SELP: variants seen among roughly 807,000 people sequenced by gnomAD.
SELP encodes P-selectin.
A neutral mutation model predicts 104.1 loss-of-function variants in SELP; 92 were observed. The observed-to-expected ratio is 0.88, with a 90% confidence interval of 0.75 to 1.05. The LOEUF is 1.05. Among genes scored for constraint, SELP ranks in the 50% least tolerant of loss-of-function variants. SELP has a pLI of 0.00. For missense variants in SELP, 1,022 were observed against 1,017.3 expected, an observed-to-expected ratio of 1.00 and a Z score of -0.06; for synonymous variants, 397 against 364.5, an observed-to-expected ratio of 1.09 and a Z score of -1.01.
chr1:169,616,477 T>G (rs574132937), intron 3 of SELP, among the ~76,000 whole-genome samples: 1 of 152,204 alleles, frequency 6.6e-6, no homozygotes, highest in Non-Finnish European at 1.5e-5. Flanking sequence ...AAAACCTGAC[T>G]GATGGAGTTG....
chr1:169,589,937 C>T (rs1009621934), intron 16 of SELP, among the ~76,000 whole-genome samples: 1 of 152,220 alleles, frequency 6.6e-6, no homozygotes, highest in African/African-American at 2.4e-5. Flanking sequence ...CATTTCTGTC[C>T]TGGAGGAAAT....
At chr1:169,598,751 T>G (rs1661753272) in intron 10 of SELP, among the ~76,000 whole-genome samples, 1 of 152,190 alleles carries the variant, frequency 6.6e-6, no homozygotes, top group Admixed American at 6.5e-5. Context: ...TGTCAGTTCT[T>G]TGAACACTGT....
At chr1:169,614,480 A>G (rs1662712793) in intron 3 of SELP, among the ~76,000 whole-genome samples, 1 of 152,174 alleles carries the variant, frequency 6.6e-6, no homozygotes, top group South Asian at 2.1e-4. Flanking sequence ...TATGCACTTG[A>G]TGAGAATTAG....
At chr1:169,599,461 C>T (rs1661793241) in intron 10 of SELP, among the ~76,000 whole-genome samples, 1 of 151,972 alleles carries the variant, frequency 6.6e-6, no homozygotes, top group South Asian at 2.1e-4. Flanking sequence ...CAAGGCAGTT[C>T]TATCACATAT....
At chr1:169,604,914 C>G (rs1035092045) in intron 9 of SELP, among the ~76,000 whole-genome samples, 1 of 152,258 alleles carries the variant, frequency 6.6e-6, no homozygotes, top group South Asian at 2.1e-4. Flanking sequence ...ATTACAACAG[C>G]GAGTGGATTG....
At chr1:169,611,402 A>AG in intron 7 of SELP, 90 bp downstream of exon 7, 1 of 1,316,480 alleles carries the variant, frequency 7.6e-7, no homozygotes, top group South Asian at 1.4e-5. Context: ...AACTTAGAAG[A>AG]GATCACCCCG....
At chr1:169,617,711 A>G (rs529869194) in intron 2 of SELP, among the ~76,000 whole-genome samples, 8 of 152,112 alleles carry the variant, frequency 5.3e-5, no homozygotes, top group African/African-American at 1.9e-4. Context: ...CATCTAATTT[A>G]CTCCTGTCCT....
chr1:169,607,234 G>C (rs569923598), intron 8 of SELP, 100 bp from the exon 9 acceptor site: 1 of 970,844 alleles, frequency 1.0e-6, no homozygotes, highest in South Asian at 3.1e-5. Context: ...AGGGATTCCT[G>C]AATTGGGCTT....
chr1:169,614,044 T>C (rs981460582), intron 3 of SELP, among the ~76,000 whole-genome samples: 1 of 152,228 alleles, frequency 6.6e-6, no homozygotes, highest in Non-Finnish European at 1.5e-5. Flanking sequence ...TGTTTTATTA[T>C]GGAAGCCCAA....
At chr1:169,592,889 C>T (rs1008327565) in intron 14 of SELP, among the ~76,000 whole-genome samples, 5 of 152,302 alleles carry the variant, frequency 3.3e-5, no homozygotes, top group Non-Finnish European at 7.4e-5. Flanking sequence ...AACATACCAT[C>T]TTCTCATTGA....
intron 10 of SELP, among the ~76,000 whole-genome samples, chr1:169,600,896 C>A (rs1661876093): frequency 6.6e-6 from 1 of 152,144 alleles, no homozygotes; most frequent in Non-Finnish European, 1.5e-5. Context: ...TGGGTTAAAG[C>A]TGCTGTTCAT....
At chr1:169,606,639 G>A (rs983983393) in intron 9 of SELP, among the ~76,000 whole-genome samples, 5 of 152,010 alleles carry the variant, frequency 3.3e-5, no homozygotes, top group African/African-American at 1.2e-4. Flanking sequence ...TGTTTGGCCA[G>A]GTGAGAAGAG....
At chr1:169,606,396 G>A (rs1662195173) in intron 9 of SELP, among the ~76,000 whole-genome samples, 3 of 152,186 alleles carry the variant, frequency 2.0e-5, no homozygotes, top group East Asian at 1.9e-4. Flanking sequence ...TGAGAATCCC[G>A]TAACCTCCAG....
At chr1:169,624,034 G>T (rs1470856028) in intron 1 of SELP, among the ~76,000 whole-genome samples, 2 of 152,232 alleles carry the variant, frequency 1.3e-5, no homozygotes, top group African/African-American at 4.8e-5. Flanking sequence ...GATGGTTCAT[G>T]ACCTACTAAG....
intron 10 of SELP, among the ~76,000 whole-genome samples, chr1:169,599,310 A>G (rs1661782926): frequency 1.3e-5 from 2 of 151,944 alleles, no homozygotes; most frequent in African/African-American, 2.4e-5. Flanking sequence ...ACTTTTGTGC[A>G]TAACTTTGAG....
intron 9 of SELP, among the ~76,000 whole-genome samples, chr1:169,606,058 T>C (rs944204006): frequency 1.3e-5 from 2 of 152,202 alleles, no homozygotes; most frequent in African/African-American, 4.8e-5. Context: ...GGCTCACACC[T>C]GTAATACCAG....
At chr1:169,616,739 G>A (rs573605430) in intron 3 of SELP, among the ~76,000 whole-genome samples, 6 of 152,174 alleles carry the variant, frequency 3.9e-5, no homozygotes, top group East Asian at 1.9e-4. Flanking sequence ...CCTGCTCCAC[G>A]GCCTTGAGAA....
At chr1:169,602,887 A>G in intron 10 of SELP, 139 bp downstream of exon 10, 1 of 569,650 alleles carries the variant, frequency 1.8e-6, no homozygotes, top group Non-Finnish European at 2.9e-6. Context: ...GAGAGGGAGA[A>G]CTTTTTTATC....
chr1:169,624,345 G>C (rs1234326540), intron 1 of SELP, among the ~76,000 whole-genome samples: 1 of 152,176 alleles, frequency 6.6e-6, no homozygotes, highest in East Asian at 1.9e-4. Context: ...TCTCTGGAAG[G>C]CTGGTTCAAC....
Sources: gnomAD v4.1 joint callset for allele counts (sites outside exome capture counted in the v4.1 genomes callset) on GRCh38, gnomAD v4.1.1 for gene constraint, MANE v1.5 for transcripts, NCBI Gene and HGNC (gene_info 2026-07-23, HGNC 2026-07-21) for gene names.